The following MAF variants were observed in gnomAD, a reference collection of about 807,000 sequenced individuals.
MAF encodes MAF bZIP transcription factor.
MAF carries 10 observed loss-of-function variants against 22.0 expected under a neutral mutation model. The observed-to-expected ratio is 0.45, with a 90% confidence interval of 0.28 to 0.77. The LOEUF (loss-of-function observed/expected upper bound fraction) is 0.77. Among genes scored for constraint, MAF ranks in the 30% least tolerant of loss-of-function variants. The pLI, the probability that MAF is intolerant of heterozygous loss-of-function variation, is 0.12. For missense variants in MAF, 544 were observed against 548.4 expected (o/e 0.99, Z 0.08); for synonymous variants, 337 against 255.8 (o/e 1.32, Z -3.03).
At chr16:79,485,223 G>C in the MAF span, among the ~76,000 whole-genome samples, 1 of 152,064 alleles carries the variant, frequency 6.6e-6, no homozygotes, top group Non-Finnish European at 1.5e-5. Flanking sequence ...CAAGTGTTTT[G>C]ACCTCTCTGT....
chr16:79,382,060 A>C, the MAF span, among the ~76,000 whole-genome samples: 2 of 152,180 alleles, frequency 1.3e-5, no homozygotes, highest in African/African-American at 2.4e-5. Flanking sequence ...CTTTAGGTCA[A>C]AGTGAGACAT....
At chr16:79,212,313 A>ATCTC in the MAF span, 2 of 856,490 alleles carry the variant, frequency 2.3e-6, no homozygotes. Flanking sequence ...GGGGAGACAA[A>ATCTC]TCTCAGAACC....
At chr16:79,243,044 TA>T in the MAF span, among the ~76,000 whole-genome samples, 1 of 152,008 alleles carries the variant, frequency 6.6e-6, no homozygotes, top group East Asian at 1.9e-4. Context: ...GGGACACATG[TA>T]AAGCAGTATG....
At chr16:79,477,316 C>A in the MAF span, among the ~76,000 whole-genome samples, 104 of 152,264 alleles carry the variant, frequency 6.8e-4, no homozygotes, top group African/African-American at 2.0e-3. Context: ...TGAGGATGGG[C>A]ACAGATTTGC....
the MAF span, among the ~76,000 whole-genome samples, chr16:79,427,049 T>C: frequency 1.3e-5 from 2 of 152,220 alleles, no homozygotes; most frequent in Admixed American, 6.5e-5. Context: ...CATATCTCCA[T>C]TGCTGCACCG....
chr16:79,335,394 A>C, the MAF span, among the ~76,000 whole-genome samples: 448 of 152,242 alleles, frequency 2.9e-3, 1 homozygote, highest in Middle Eastern at 6.8e-3. Context: ...GCTTCTTCGA[A>C]GAAGAAGAGC....
chr16:79,255,948 A>ATCTTT, the MAF span, among the ~76,000 whole-genome samples: 5 of 103,698 alleles, frequency 4.8e-5, no homozygotes, highest in African/African-American at 1.2e-4. Flanking sequence ...AGATGTCTTT[A>ATCTTT]TCTTTTCTTT....
the MAF span, among the ~76,000 whole-genome samples, chr16:79,532,481 T>G: frequency 1.3e-5 from 2 of 152,240 alleles, no homozygotes; most frequent in Non-Finnish European, 2.9e-5. Context: ...TCATTCAATC[T>G]GATAGGTGGT....
the MAF span, among the ~76,000 whole-genome samples, chr16:79,501,309 G>A: frequency 6.6e-6 from 1 of 152,122 alleles, no homozygotes; most frequent in African/African-American, 2.4e-5. Context: ...AAGGGCACCA[G>A]TCATTGGATT....
At chr16:79,538,546 T>G in the MAF span, among the ~76,000 whole-genome samples, 1 of 152,134 alleles carries the variant, frequency 6.6e-6, no homozygotes, top group Non-Finnish European at 1.5e-5. Context: ...TACACTTTAT[T>G]TACAAACTAA....
chr16:79,363,902 G>A, the MAF span, among the ~76,000 whole-genome samples: 224 of 152,306 alleles, frequency 1.5e-3, 2 homozygotes, highest in Non-Finnish European at 5.0e-4. Flanking sequence ...ATAGTTCAGT[G>A]TAAGGGTAGT....
At chr16:79,448,564 T>G in the MAF span, among the ~76,000 whole-genome samples, 1 of 152,020 alleles carries the variant, frequency 6.6e-6, no homozygotes, top group African/African-American at 2.4e-5. Context: ...GAGCTGGGAT[T>G]ACAGGTGCCT....
chr16:79,553,458 G>T, the MAF span, among the ~76,000 whole-genome samples: 4 of 152,236 alleles, frequency 2.6e-5, no homozygotes, highest in African/African-American at 7.2e-5. Flanking sequence ...TTTTGGGGGA[G>T]GCTTAGGCAG....
chr16:79,434,042 C>T, the MAF span, among the ~76,000 whole-genome samples: 1 of 152,176 alleles, frequency 6.6e-6, no homozygotes, highest in African/African-American at 2.4e-5. Context: ...GTGGTAGTGA[C>T]TGTTCTCCCC....
At chr16:79,365,125 G>A in the MAF span, among the ~76,000 whole-genome samples, 12 of 152,196 alleles carry the variant, frequency 7.9e-5, no homozygotes, top group Non-Finnish European at 1.2e-4. Context: ...GGGTTTACTA[G>A]TATAGGAGCC....
the MAF span, among the ~76,000 whole-genome samples, chr16:79,372,731 T>G: frequency 6.6e-6 from 1 of 152,130 alleles, no homozygotes; most frequent in African/African-American, 2.4e-5. Flanking sequence ...CTCCAGCAGG[T>G]TCTGTGATAC....
At chr16:79,318,529 A>G in the MAF span, among the ~76,000 whole-genome samples, 1 of 152,182 alleles carries the variant, frequency 6.6e-6, no homozygotes, top group African/African-American at 2.4e-5. Flanking sequence ...CTAGCCAGAA[A>G]AAGCGTTCCC....
At chr16:79,294,207 T>C in the MAF span, among the ~76,000 whole-genome samples, 1 of 152,218 alleles carries the variant, frequency 6.6e-6, no homozygotes, top group Non-Finnish European at 1.5e-5. Flanking sequence ...CAAGAGCTCC[T>C]GAGTCATGCA....
chr16:79,502,689 AAATATAAATATAAATATAAATATATAT>A, the MAF span, among the ~76,000 whole-genome samples: 4 of 16,834 alleles, frequency 2.4e-4, no homozygotes, highest in Admixed American at 8.4e-4. Context: ...ATATAAATAT[AAATATAAATATAAATATAAATATATAT>A]ATATATATAT....
Sources: gnomAD v4.1 joint callset for allele counts (sites outside exome capture counted in the v4.1 genomes callset) on GRCh38, gnomAD v4.1.1 for gene constraint, MANE v1.5 for transcripts, NCBI Gene and HGNC (gene_info 2026-07-23, HGNC 2026-07-21) for gene names.